The following PPEF1 variants were observed in gnomAD, a reference collection of about 807,000 sequenced individuals.
PPEF1 encodes the protein protein phosphatase with EF-hand domain 1.
PPEF1 carries 12 observed loss-of-function variants against 53.3 expected under a neutral mutation model. The observed-to-expected ratio is 0.23, with a 90% CI of 0.14 to 0.36. The LOEUF (loss-of-function observed/expected upper bound fraction) is 0.36, where lower values mean the gene tolerates loss of function less well. Among genes scored for constraint, PPEF1 ranks in the 10% least tolerant of loss-of-function variants. PPEF1 has a pLI of 1.00. For missense variants in PPEF1, 334 were observed against 490.4 expected (o/e 0.68, Z 3.01); for synonymous variants, 165 against 176.7 (o/e 0.93, Z 0.52).
intron 1 of PPEF1, among the ~76,000 whole-genome samples, chrX:18,676,641 C>T (rs2147213964): frequency 8.9e-6 from 1 of 111,788 alleles, no homozygotes; most frequent in East Asian, 2.8e-4. Context: ...CCTGGGAAGC[C>T]TGATAATAAG....
intron 4 of PPEF1, among the ~76,000 whole-genome samples, chrX:18,753,018 G>A (rs1002112168): frequency 1.8e-5 from 2 of 111,675 alleles, no homozygotes; most frequent in African/African-American, 3.2e-5. Context: ...ATCTCATAGA[G>A]TGAGTTAGGA....
At chrX:18,755,172 C>T (rs1399386947) in intron 4 of PPEF1, among the ~76,000 whole-genome samples, 2 of 109,149 alleles carry the variant, frequency 1.8e-5, no homozygotes, top group African/African-American at 6.8e-5. Context: ...ATAAAAGGTT[C>T]AACACAGTGT....
intron 1 of PPEF1, among the ~76,000 whole-genome samples, chrX:18,710,021 T>C (rs2044291097): frequency 8.9e-6 from 1 of 111,940 alleles, no homozygotes; most frequent in African/African-American, 3.2e-5. Flanking sequence ...ATAGTTGTTA[T>C]TGTCTGTCCT....
intron 12 of PPEF1, among the ~76,000 whole-genome samples, chrX:18,811,937 T>C (rs67359946): frequency 0.029 from 3,195 of 110,994 alleles, 107 homozygotes; most frequent in African/African-American, 0.097. Context: ...GCAAACATTC[T>C]CTCTCATTCT....
In PPEF1 at chrX:18,677,673, A is replaced by G. The variant is rs891718961; in HGVS notation, c.-587+1543A>G. 5.4e-5 allele frequency among the ~76,000 whole-genome samples: 6 copies of G among 111,533 alleles called. No individual in the cohort carries two copies. In the East Asian group the frequency reaches 1.4e-3, roughly 26 times the overall value. The stretch of plus-strand genomic sequence containing the variant: ...CTATTGCGGTGAAAAAATGGAAGCA[A>G]TCAGAAGAGAACTTCTGGAAGTCCC... On this transcript the variant is annotated intron_variant, in intron 1 of 20. Transcript: ENST00000689646.
chrX:18,767,015 G>T (rs750282028), intron 6 of PPEF1, among the ~76,000 whole-genome samples: 7 of 111,588 alleles, frequency 6.3e-5, no homozygotes, highest in African/African-American at 2.3e-4. Context: ...TTGTGCCATT[G>T]CACTGCACCC....
rs778164740 is a variant in PPEF1, at chrX:18,806,647, A to G, written c.1394+102A>G. The G allele has an allele frequency of 3.5e-5, 29 of 825,435 alleles. No homozygotes were observed. The East Asian group carries it at 8.3e-4, about 24-fold the overall frequency. The allele number at this position is 825,435 out of a possible 1,213,427, so 68.0% of individuals were successfully genotyped here. Reference sequence around the variant, plus strand: ...GCCACGTGAGTGAAGAGAGTCATTTATAGCTTACTCATTAGTATCAACAAA... The same window carrying G: ...GCCACGTGAGTGAAGAGAGTCATTTGTAGCTTACTCATTAGTATCAACAAA... On this transcript the variant is annotated intron_variant, in intron 12 of 15. Transcript: ENST00000470157.
intron 3 of PPEF1, among the ~76,000 whole-genome samples, chrX:18,689,514 T>C (rs1929246568): frequency 9.4e-6 from 1 of 105,914 alleles, no homozygotes; most frequent in Non-Finnish European, 2.0e-5. Flanking sequence ...CAAATAAAAA[T>C]AAATAAATAA....
chrX:18,712,819 C>G (rs1365090125), intron 1 of PPEF1, among the ~76,000 whole-genome samples: 5 of 111,887 alleles, frequency 4.5e-5, no homozygotes, highest in Non-Finnish European at 9.4e-5. Flanking sequence ...TTTATTATTA[C>G]AAAGTGGTGT....
In PPEF1 at chrX:18,804,091, G is replaced by T; in HGVS notation, c.1251+14G>T. ...CATGATGGGAAGGTAAGCTAAAATT[G>T]TTGGTGACATTCCCATAAACATCCT... On this transcript the variant is annotated intron_variant, in intron 11 of 15. Transcript: ENST00000470157. The T allele has an allele frequency of 1.7e-6, 2 of 1,173,836 alleles. No homozygotes were observed. The highest frequency in any genetic ancestry group is 2.3e-6 in the Non-Finnish European group (2 of 866,623).
At chrX:18,728,690 A>G (rs778709797) in intron 1 of PPEF1, among the ~76,000 whole-genome samples, 5 of 111,267 alleles carry the variant, frequency 4.5e-5, no homozygotes, top group Non-Finnish European at 9.4e-5. Context: ...AAACCTGAAT[A>G]ATGGAAAGAG....
upstream of PPEF1, chrX:18,707,584 C>T (rs2044227336): frequency 9.9e-6 from 4 of 405,383 alleles, no homozygotes; most frequent in Admixed American, 1.4e-4. Context: ...AAAATGAATC[C>T]TGCTGAGCAG....
In PPEF1 at chrX:18,773,638, T is replaced by C. The variant is rs139000873; in HGVS notation, c.559-5372T>C. On this transcript the variant is annotated intron_variant, in intron 6 of 15. Transcript: ENST00000470157. ...TGTTTTGGTAAAGTTTTATTTTTTATTGTTTTATTTGGAATTTTTACTCTG... is the reference window on the plus strand; with the variant it reads ...TGTTTTGGTAAAGTTTTATTTTTTACTGTTTTATTTGGAATTTTTACTCTG... 8.2e-3 allele frequency among the ~76,000 whole-genome samples: 917 copies of C among 112,347 alleles called. 10 individuals are homozygous for C. Among genetic ancestry groups the C allele is most frequent in the African/African-American group, 0.028 (870 of 31,016 alleles).
chrX:18,819,291 A>T (rs1380129772), intron 13 of PPEF1, among the ~76,000 whole-genome samples: 1 of 112,480 alleles, frequency 8.9e-6, no homozygotes, highest in Non-Finnish European at 1.9e-5. Context: ...TTTGAAGAAA[A>T]ACCAAAGAGA....
At chrX:18,719,137 A>G (rs1477721071) in intron 1 of PPEF1, among the ~76,000 whole-genome samples, 1 of 112,057 alleles carries the variant, frequency 8.9e-6, no homozygotes, top group Non-Finnish European at 1.9e-5. Context: ...ACTTAAGAAT[A>G]CAATAGTTTT....
intron 4 of PPEF1, among the ~76,000 whole-genome samples, chrX:18,695,600 T>C (rs1376666525): frequency 2.7e-5 from 3 of 112,202 alleles, no homozygotes; most frequent in Non-Finnish European, 5.6e-5. Context: ...AATGTCCCTT[T>C]TCCATCTTAC....
At chrX:18,675,958 G>GGC (rs1555961248) in exon 1 of PPEF1, 1 of 61,691 alleles carries the variant, frequency 1.6e-5, no homozygotes, top group African/African-American at 6.3e-5. Context: ...CATTTGGGCG[G>GGC]GGGGGGGGGG....
intron 9 of PPEF1, among the ~76,000 whole-genome samples, chrX:18,786,233 T>C (rs758524333): frequency 1.7e-4 from 19 of 111,431 alleles, no homozygotes; most frequent in Non-Finnish European, 1.9e-4. Context: ...TTTTGAGATA[T>C]TGAGAAGATG....
chrX:18,677,357 G>C (rs1278261096), intron 1 of PPEF1, among the ~76,000 whole-genome samples: 1 of 112,055 alleles, frequency 8.9e-6, no homozygotes, highest in African/African-American at 3.2e-5. Flanking sequence ...CTCAAATTCT[G>C]TGGTCATTTT....
Sources: allele counts gnomAD v4.1 joint callset (sites outside exome capture counted in the v4.1 genomes callset), GRCh38; gene constraint gnomAD v4.1.1; transcripts MANE v1.5; gene names NCBI Gene and HGNC (gene_info 2026-07-23, HGNC 2026-07-21).